DERA: variants seen among roughly 807,000 people sequenced by gnomAD.
The protein encoded by DERA is deoxyribose-phosphate aldolase, also known as 2-deoxy-D-ribose 5-phosphate aldolase.
A neutral mutation model predicts 41.1 loss-of-function variants in DERA; 15 were observed. The ratio of observed to expected loss-of-function variants is 0.37; its 90% CI spans 0.24 to 0.56. The LOEUF (loss-of-function observed/expected upper bound fraction) is 0.56. Among genes scored for constraint, DERA ranks in the 20% least tolerant of loss-of-function variants. The probability of loss-of-function intolerance (pLI) is 0.81; values close to 1 mark genes in which losing one functional copy is unlikely to be tolerated. For missense variants in DERA, 396 were observed against 403.4 expected, an observed-to-expected ratio of 0.98 and a Z score of 0.16; for synonymous variants, 139 against 137.4, an observed-to-expected ratio of 1.01 and a Z score of -0.08.
Position 15,978,792 on chromosome 12 carries a change from C to G in DERA, c.509-3516C>G, listed in dbSNP as rs57598833. ...CTCTGTAATCTGAGCCTGATAAGCA[C>G]TGAATAATAACAGGAACACCATCAC... On this transcript the variant is annotated intron_variant, in intron 5 of 8. Coordinates refer to ENST00000428559, the MANE Select transcript of DERA (RefSeq NM_015954.4). Among the ~76,000 whole-genome samples, 848 of 152,280 alleles carry G rather than the reference C, an allele frequency of 5.6e-3. 30 individuals are homozygous for G. In the East Asian group the frequency reaches 0.11, roughly 19 times the overall value.
In DERA at chr12:16,008,647, G is replaced by GT. The variant is rs1948928799; in HGVS notation, c.638-23889dup. Among the ~76,000 whole-genome samples the GT allele has an allele frequency of 1.3e-5, 2 of 152,186 alleles. No homozygotes were observed. The highest frequency in any genetic ancestry group is 2.4e-5 in the African/African-American group (1 of 41,438). On this transcript the variant is annotated intron_variant, in intron 6 of 8. Coordinates refer to ENST00000428559, the MANE Select transcript of DERA (RefSeq NM_015954.4). This position sits in a 1 kb window ranked among gnomAD's most constrained non-coding sequence, Gnocchi z 4.8. ...GAACATGATAACGGTGGCTTAAATT[G>GT]TTTTTTCTTGTGTAAGAAGGAACTC...
rs147686109 is a variant in DERA, at chr12:15,965,996, C to T, written c.508+3049C>T. ...AGCATTTAGACATACTCAAGCTTTTCTTAGCCATTTATGAAAGAACCTACA... is the reference window on the plus strand; with the variant it reads ...AGCATTTAGACATACTCAAGCTTTTTTTAGCCATTTATGAAAGAACCTACA... On this transcript the variant is annotated intron_variant, in intron 5 of 8. Transcript: ENST00000428559. The surrounding 1 kb of genome is among the most constrained non-coding windows in gnomAD (Gnocchi z 4.1). 3.2e-3 allele frequency among the ~76,000 whole-genome samples: 488 copies of T among 152,340 alleles called. No individual in the cohort carries two copies. Among genetic ancestry groups the T allele is most frequent in the African/African-American group, 0.011 (465 of 41,572 alleles).
At position 15,947,915 on chromosome 12, in the gene DERA, A is replaced by T. The variant is rs894925942; in HGVS notation, c.32-9021A>T. ...TTAGGGCAGGCCTGGTGGTGAGAAAATCTCTCAGCATTTGCTTGTCAAGAA... is the reference window on the plus strand; with the variant it reads ...TTAGGGCAGGCCTGGTGGTGAGAAATTCTCTCAGCATTTGCTTGTCAAGAA... On this transcript the variant is annotated intron_variant, in intron 1 of 8. Transcript: ENST00000428559. 2.0e-5 allele frequency among the ~76,000 whole-genome samples: 3 copies of T among 152,036 alleles called. No individual in the cohort carries two copies. The South Asian group carries it at 6.2e-4, about 32-fold the overall frequency.
At chr12:15,948,686 T>G (rs147609628) in intron 1 of DERA, among the ~76,000 whole-genome samples, 2,016 of 152,330 alleles carry the variant, frequency 0.013, 23 homozygotes, top group Middle Eastern at 0.024. Flanking sequence ...TCTGAAGCTA[T>G]CTTCTCTCAA....
intron 6 of DERA, among the ~76,000 whole-genome samples, chr12:15,991,585 C>G (rs897677503): frequency 1.3e-5 from 2 of 151,966 alleles, no homozygotes. Context: ...AAGGCAGGAA[C>G]CAGAAACAAA....
At chr12:16,006,227 TGAAAA>T (rs981172802) in intron 6 of DERA, among the ~76,000 whole-genome samples, 1 of 152,226 alleles carries the variant, frequency 6.6e-6, no homozygotes, top group Non-Finnish European at 1.5e-5. Context: ...TTGCTCCCAA[TGAAAA>T]GAAGTCAGGA....
rs71438364 is a variant in DERA, at chr12:16,029,913, C to CTTTTTTT, written c.638-2608_638-2602dup. On this transcript the variant is annotated intron_variant, in intron 6 of 8. Transcript: ENST00000428559. ...TCAGACCTCCAAATGTAGCCTTGGT[C>CTTTTTTT]TTTTTTTTTTTTTTTTTTTTTTTTT... 2.8e-3 allele frequency among the ~76,000 whole-genome samples: 165 copies of CTTTTTTT among 59,714 alleles called. 49 individuals are homozygous for CTTTTTTT. The highest frequency in any genetic ancestry group is 9.6e-3 in the East Asian group (15 of 1,564). The allele number at this position is 59,714 out of a possible 152,430, so 39.2% of individuals were successfully genotyped here.
intron 5 of DERA, among the ~76,000 whole-genome samples, chr12:15,968,936 C>CT (rs1948642043): frequency 6.6e-6 from 1 of 152,156 alleles, no homozygotes; most frequent in South Asian, 2.1e-4. Context: ...ATACCTAGAC[C>CT]TTGGGTAAAC....
In DERA at chr12:15,922,909, G is replaced by A. The variant is rs991182070; in HGVS notation, c.31+11495G>A. Reference sequence around the variant, plus strand: ...CTGGTGGGGGATGTTGATAATGGGGGAGGCTATGCATGTGTGGGGCAAAGC... The same window carrying A: ...CTGGTGGGGGATGTTGATAATGGGGAAGGCTATGCATGTGTGGGGCAAAGC... On this transcript the variant is annotated intron_variant, in intron 1 of 8. Coordinates refer to ENST00000428559, the MANE Select transcript of DERA (RefSeq NM_015954.4). The surrounding 1 kb of genome is among the most constrained non-coding windows in gnomAD (Gnocchi z 4.9). 6.6e-6 allele frequency among the ~76,000 whole-genome samples: 1 copy of A among 152,080 alleles called. No individual in the cohort carries two copies. The highest frequency in any genetic ancestry group is 1.9e-4 in the East Asian group (1 of 5,194).
intron 6 of DERA, among the ~76,000 whole-genome samples, chr12:15,987,230 C>CTTTT (rs995016192): frequency 1.4e-4 from 12 of 85,352 alleles, no homozygotes; most frequent in African/African-American, 1.8e-4. Context: ...TATATATGTA[C>CTTTT]TTTTTTTTTT....
chr12:15,958,092 A>G (rs565370190), intron 2 of DERA, 96 bp from the exon 3 acceptor site: 2 of 981,962 alleles, frequency 2.0e-6, no homozygotes, highest in African/African-American at 1.7e-5. Flanking sequence ...TAACACCCAT[A>G]CTTGTCTAAT....
chr12:15,920,599 C>T (rs552901523), intron 1 of DERA, among the ~76,000 whole-genome samples: 97 of 151,996 alleles, frequency 6.4e-4, no homozygotes, highest in Non-Finnish European at 1.3e-3. Flanking sequence ...CTTTGGGAGG[C>T]TGAGGCGGGC....
In DERA at chr12:15,982,433, G is replaced by T. The variant is rs1056220724; in HGVS notation, c.634G>T (p.Ala212Ser). Residue 212 changes from alanine (A) to serine (S), a missense_variant, in exon 6 of 9, where the codon GCA becomes TCA. Physicochemically the swap from Ala to Ser is moderately conservative, Grantham distance 99. Transcript: ENST00000428559. This position sits in a 1 kb window ranked among gnomAD's most constrained non-coding sequence, Gnocchi z 4.0. The stretch of plus-strand genomic sequence containing the variant: ...TAAAGCCAGTATGATAGCAATGATG[G>T]CAGGTAAGTGTTTTATGTTCAAATA... Reference protein sequence around the residue: ...VYKASMIAMMAGSDFIKTSTG... With the variant: ...VYKASMIAMMSGSDFIKTSTG... The T allele has an allele frequency of 3.7e-6, 6 of 1,602,680 alleles. No homozygotes were observed. Among genetic ancestry groups the T allele is most frequent in the Non-Finnish European group, 4.2e-6 (5 of 1,176,844 alleles).
intron 4 of DERA, among the ~76,000 whole-genome samples, chr12:15,961,916 A>T (rs1592021317): frequency 6.6e-6 from 1 of 151,994 alleles, no homozygotes; most frequent in Non-Finnish European, 1.5e-5. Flanking sequence ...GCTAATTTTT[A>T]TACTTTTAGT....
chr12:16,008,808 T>C lies in DERA; in HGVS notation c.638-23734T>C, dbSNP rs1948929971. Among the ~76,000 whole-genome samples the C allele has an allele frequency of 6.6e-6, 1 of 152,174 alleles. No individual in the cohort carries two copies. The highest frequency in any genetic ancestry group is 6.5e-5 in the Admixed American group (1 of 15,276). ...ATATTCAGAATAGGAAGAAAAGCAA[T>C]GAAGGTGCCATTTCGTATTGAAGGA... is the stretch of plus-strand genomic sequence containing the variant. On this transcript the variant is annotated intron_variant, in intron 6 of 8. Coordinates refer to ENST00000428559, the MANE Select transcript of DERA (RefSeq NM_015954.4). The surrounding 1 kb of genome is among the most constrained non-coding windows in gnomAD (Gnocchi z 4.8).
At chr12:15,925,174 G>C (rs565139483) in intron 1 of DERA, among the ~76,000 whole-genome samples, 14 of 151,642 alleles carry the variant, frequency 9.2e-5, no homozygotes, top group South Asian at 8.3e-4. Context: ...TTGTCAGGCT[G>C]TCTTGGTCTT....
chr12:15,950,183 T>C (rs905640515), intron 1 of DERA, among the ~76,000 whole-genome samples: 1 of 152,136 alleles, frequency 6.6e-6, no homozygotes, highest in Non-Finnish European at 1.5e-5. Flanking sequence ...ATTAAAAAAG[T>C]AAGGGAATAA....
chr12:15,951,142 G>A (rs1389124353), intron 1 of DERA, among the ~76,000 whole-genome samples: 4 of 152,226 alleles, frequency 2.6e-5, no homozygotes. Context: ...GGGACAGTCT[G>A]TGCCCTTGGC....
rs1425999261 is a variant in DERA at position 15,943,566 on chromosome 12, T to C, written c.32-13370T>C. ...TGGCCATGGCTCACCATATGCATTG[T>C]ATTTTATATTGCCACACAGTACATG... On this transcript the variant is annotated intron_variant, in intron 1 of 8. Coordinates refer to ENST00000428559, the MANE Select transcript of DERA (RefSeq NM_015954.4). The surrounding 1 kb of genome is among the most constrained non-coding windows in gnomAD (Gnocchi z 4.5). Among the ~76,000 whole-genome samples the C allele has an allele frequency of 6.6e-6, 1 of 152,166 alleles. No individual in the cohort carries two copies. The highest frequency in any genetic ancestry group is 6.5e-5 in the Admixed American group (1 of 15,268).
Sources: allele counts gnomAD v4.1 joint callset (sites outside exome capture counted in the v4.1 genomes callset), GRCh38; gene constraint gnomAD v4.1.1; non-coding constraint Gnocchi (gnomAD v3.1); transcripts MANE v1.5; gene names NCBI Gene and HGNC (gene_info 2026-07-23, HGNC 2026-07-21).